Variants in LUC7L2 observed in about 807,000 individuals in gnomAD.
LUC7L2 encodes putative RNA-binding protein Luc7-like 2.
Under a neutral mutation model 52.8 loss-of-function variants are expected in LUC7L2, and 25 were observed. The observed-to-expected ratio is 0.47, with a 90% confidence interval of 0.34 to 0.66. The LOEUF (loss-of-function observed/expected upper bound fraction) is 0.66, where lower values mean the gene tolerates loss of function less well. Ranked by LOEUF, LUC7L2 falls within the 30% of genes least tolerant of loss-of-function variation. LUC7L2 has a pLI of 0.01. For synonymous variants in LUC7L2, 144 were observed against 160.9 expected (o/e 0.89, Z 0.80); for missense variants, 328 against 497.8 (o/e 0.66, Z 3.25).
chr7:139,400,519 G>C (rs910235516), intron 3 of LUC7L2, among the ~76,000 whole-genome samples: 24 of 152,008 alleles, frequency 1.6e-4, no homozygotes, highest in African/African-American at 5.6e-4. Flanking sequence ...AACACAAACA[G>C]AGAAACCAAA....
intron 1 of LUC7L2, among the ~76,000 whole-genome samples, chr7:139,352,606 G>C (rs921810300): frequency 6.6e-6 from 1 of 152,174 alleles, no homozygotes; most frequent in African/African-American, 2.4e-5. Flanking sequence ...TTTGGTTTAG[G>C]TTTGGCTCTT....
chr7:139,355,876 C>T (rs987017726), upstream of LUC7L2, among the ~76,000 whole-genome samples: 1 of 152,010 alleles, frequency 6.6e-6, no homozygotes. Context: ...TCTCAATGAA[C>T]GAATGAATGA....
intron 9 of LUC7L2, among the ~76,000 whole-genome samples, chr7:139,419,660 G>A (rs768077770): frequency 6.6e-5 from 10 of 152,156 alleles, no homozygotes; most frequent in Non-Finnish European, 1.3e-4. Flanking sequence ...AAGGATGGGC[G>A]TGAAGTCCCC....
intron 7 of LUC7L2, among the ~76,000 whole-genome samples, chr7:139,410,935 A>C (rs1445609698): frequency 1.5e-5 from 2 of 129,052 alleles, no homozygotes; most frequent in Non-Finnish European, 3.1e-5. Context: ...AAGTGATGTC[A>C]GTCCTCTATT....
intron 9 of LUC7L2, among the ~76,000 whole-genome samples, chr7:139,420,618 A>G (rs1208382201): frequency 1.3e-5 from 2 of 152,120 alleles, no homozygotes; most frequent in Non-Finnish European, 2.9e-5. Context: ...GTATATGGAA[A>G]CCACTATGTG....
Position 139,405,676 on chromosome 7 carries a change from T to C in LUC7L2, c.399T>C (p.Ile133=). ...GTGTTCATGAGTTAAATGAAGAAATTGGTAAATTGTTAGCCAAGGTGGAAC... is the reference window on the plus strand; with the variant it reads ...GTGTTCATGAGTTAAATGAAGAAATCGGTAAATTGTTAGCCAAGGTGGAAC... ...AERVHELNEE[I]GKLLAKVEQL... Residue 133 remains isoleucine, a synonymous_variant, in exon 5 of 10, where the codon ATT becomes ATC. Coordinates refer to ENST00000354926, the MANE Select transcript of LUC7L2 (RefSeq NM_016019.5). 3 of 1,610,392 alleles carry C rather than the reference T, an allele frequency of 1.9e-6. No homozygotes were observed. Among genetic ancestry groups the C allele is most frequent in the Non-Finnish European group, 2.5e-6 (3 of 1,179,056 alleles).
chr7:139,388,787 G>T (rs1200981680), intron 2 of LUC7L2, among the ~76,000 whole-genome samples: 1 of 151,760 alleles, frequency 6.6e-6, no homozygotes, highest in East Asian at 1.9e-4. Flanking sequence ...GTTTTCTCAT[G>T]TTTGAAATAC....
intron 4 of LUC7L2, among the ~76,000 whole-genome samples, chr7:139,405,226 A>G (rs1368212415): frequency 2.0e-5 from 3 of 152,226 alleles, no homozygotes; most frequent in Non-Finnish European, 4.4e-5. Flanking sequence ...GGCGAGAGGT[A>G]AGGGATCCCA....
intron 1 of LUC7L2, among the ~76,000 whole-genome samples, chr7:139,370,116 GTAT>G (rs1008642056): frequency 3.3e-5 from 5 of 152,190 alleles, no homozygotes; most frequent in Admixed American, 6.5e-5. Flanking sequence ...CAAAGCATCT[GTAT>G]TATTATGTTA....
intron 2 of LUC7L2, among the ~76,000 whole-genome samples, chr7:139,378,670 G>A (rs992931493): frequency 2.6e-5 from 4 of 152,194 alleles, no homozygotes; most frequent in Non-Finnish European, 5.9e-5. Flanking sequence ...AACATAAAGA[G>A]GTGTAAACTA....
chr7:139,359,755 A>T, upstream of LUC7L2: 1 of 400,028 alleles, frequency 2.5e-6, no homozygotes, highest in Non-Finnish European at 4.4e-6. Context: ...TCCGGGGTAA[A>T]GGGGCGGGAG....
intron 1 of LUC7L2, chr7:139,340,623 A>G (rs900632414): frequency 5.0e-6 from 2 of 396,816 alleles, no homozygotes; most frequent in Non-Finnish European, 8.9e-6. Context: ...GGATAGGGTA[A>G]GGCGAAAATG....
rs1800201406 is a variant in LUC7L2 at position 139,367,144 on chromosome 7, G to A, written c.61+6822G>A. The stretch of plus-strand genomic sequence containing the variant: ...GCACTGTCATGCCCTGCTAATTTTT[G>A]TATTTTTAGTAGAGATGAGGTTTTG... On this transcript the variant is annotated intron_variant, in intron 1 of 9. Transcript: ENST00000354926. Among the ~76,000 whole-genome samples the A allele has an allele frequency of 2.0e-5, 3 of 151,882 alleles. No individual in the cohort carries two copies. In the South Asian group the frequency reaches 6.2e-4, roughly 32 times the overall value.
rs1757615637 is a variant in LUC7L2, at chr7:139,422,958, C to CT, written c.*624dup. On this transcript the variant is annotated 3_prime_UTR_variant, in exon 10 of 10. Coordinates refer to ENST00000354926, the MANE Select transcript of LUC7L2 (RefSeq NM_016019.5). ...ACAGCTGTTGCATTACATACTTTTG[C>CT]TTTTTTATTGAAATTTTGAAATCAA... The CT allele has an allele frequency of 5.0e-6, 2 of 398,146 alleles. No individual in the cohort carries two copies. The highest frequency in any genetic ancestry group is 8.8e-5 in the Admixed American group (2 of 22,614). The allele number at this position is 398,146 out of a possible 1,614,324, so 24.7% of individuals were successfully genotyped here. A position where few individuals can be genotyped will look rare whatever the true frequency, so the allele number is the denominator to read the frequency against.
intron 4 of LUC7L2, among the ~76,000 whole-genome samples, chr7:139,402,821 G>C (rs1293855454): frequency 1.3e-5 from 2 of 152,168 alleles, no homozygotes; most frequent in Admixed American, 1.3e-4. Context: ...ACCACGCCTG[G>C]CCAGCTCTCT....
At chr7:139,378,270 T>A (rs998240671) in intron 2 of LUC7L2, among the ~76,000 whole-genome samples, 6 of 152,144 alleles carry the variant, frequency 3.9e-5, no homozygotes, top group Non-Finnish European at 7.4e-5. Context: ...TTATTTAATT[T>A]AAAAAATTTA....
rs1554397384 is a variant in LUC7L2 at position 139,412,536 on chromosome 7, ATT to A, written c.780-4_780-3del. The stretch of plus-strand genomic sequence containing the variant: ...TATAGCCACTTTTCTAAAAATACAT[ATT>A]TTTTTTTTTTAGGTCCCGATCACAC... On this transcript the variant is annotated splice_polypyrimidine_tract_variant and intron_variant, in intron 7 of 9. Coordinates refer to ENST00000354926, the MANE Select transcript of LUC7L2 (RefSeq NM_016019.5). The A allele has an allele frequency of 2.9e-4, 405 of 1,420,336 alleles. No individual in the cohort carries two copies. Among genetic ancestry groups the A allele is most frequent in the Admixed American group, 1.1e-3 (56 of 50,730 alleles). 88.0% of individuals were successfully genotyped at this position (1,420,336 alleles called of 1,614,324 possible).
intron 2 of LUC7L2, among the ~76,000 whole-genome samples, chr7:139,393,755 A>G (rs2131264376): frequency 6.6e-6 from 1 of 152,258 alleles, no homozygotes; most frequent in East Asian, 1.9e-4. Flanking sequence ...CATGTTTTAA[A>G]TTTTAAGTAC....
chr7:139,340,631 A>G (rs957482732), intron 1 of LUC7L2: 3 of 396,658 alleles, frequency 7.6e-6, no homozygotes, highest in Non-Finnish European at 1.3e-5. Flanking sequence ...TAAGGCGAAA[A>G]TGAAGTGACG....
Sources: allele counts gnomAD v4.1 joint callset (sites outside exome capture counted in the v4.1 genomes callset), GRCh38; gene constraint gnomAD v4.1.1; transcripts MANE v1.5; gene names NCBI Gene and HGNC (gene_info 2026-07-23, HGNC 2026-07-21).